The following FSD1L variants were observed in gnomAD, a reference collection of about 807,000 sequenced individuals.
FSD1L encodes the protein FSD1-like protein.
FSD1L carries 45 observed loss-of-function variants against 71.6 expected under a neutral mutation model. That is an observed-to-expected ratio of 0.63 (90% CI 0.49 to 0.81). The LOEUF (loss-of-function observed/expected upper bound fraction) is 0.81. FSD1L is among the 30% of genes least tolerant of loss of function. The pLI, the probability that FSD1L is intolerant of heterozygous loss-of-function variation, is 0.00. For missense variants in FSD1L, 561 were observed against 618.1 expected, an observed-to-expected ratio of 0.91 and a Z score of 0.98; for synonymous variants, 197 against 207.2, an observed-to-expected ratio of 0.95 and a Z score of 0.42.
rs375828865 is a variant in FSD1L at position 105,534,888 on chromosome 9, G to A, written c.1127-179G>A. Among the ~76,000 whole-genome samples, 337 of 152,302 alleles carry A rather than the reference G, an allele frequency of 2.2e-3. 1 individual carries two copies. The highest frequency in any genetic ancestry group is 7.1e-3 in the African/African-American group (294 of 41,570). On this transcript the variant is annotated intron_variant, in intron 11 of 13. Coordinates refer to ENST00000481272, the MANE Select transcript of FSD1L (RefSeq NM_001145313.3). The stretch of plus-strand genomic sequence containing the variant: ...TTTATATTCAAGAATAGTACTAAAC[G>A]TAAAGGTAAAGTTAGAGCAGGTACT...
At chr9:105,496,955 A>G (rs910157134) in intron 7 of FSD1L, among the ~76,000 whole-genome samples, 1 of 152,226 alleles carries the variant, frequency 6.6e-6, no homozygotes, top group Admixed American at 6.5e-5. Flanking sequence ...CTTAGTGGAA[A>G]CATTTTGAGT....
At chr9:105,533,642 C>T (rs1383959216) in intron 10 of FSD1L, among the ~76,000 whole-genome samples, 1 of 150,208 alleles carries the variant, frequency 6.7e-6, no homozygotes, top group Non-Finnish European at 1.5e-5. Context: ...AGGCTGGTCT[C>T]GAACTCCAGA....
intron 2 of FSD1L, among the ~76,000 whole-genome samples, chr9:105,462,632 C>G (rs192320871): frequency 6.7e-6 from 1 of 149,248 alleles, no homozygotes; most frequent in Admixed American, 6.7e-5. Flanking sequence ...AAGTGATTCT[C>G]CTGCCTCAGC....
chr9:105,488,001 A>G (rs1028869207), intron 7 of FSD1L, among the ~76,000 whole-genome samples: 2 of 152,146 alleles, frequency 1.3e-5, no homozygotes, highest in Admixed American at 6.5e-5. Context: ...ATTTATTACA[A>G]TTGATGAACC....
intron 10 of FSD1L, among the ~76,000 whole-genome samples, chr9:105,518,421 C>A (rs559080839): frequency 1.3e-5 from 2 of 152,200 alleles, no homozygotes; most frequent in African/African-American, 2.4e-5. Flanking sequence ...GTAAAACACT[C>A]CTCAGCAAAT....
intron 10 of FSD1L, among the ~76,000 whole-genome samples, chr9:105,529,335 C>T (rs769041185): frequency 3.9e-5 from 6 of 152,162 alleles, no homozygotes; most frequent in African/African-American, 7.2e-5. Flanking sequence ...ATATGTTTAT[C>T]GGGTCACTAT....
At chr9:105,513,229 A>G (rs1293815324) in intron 10 of FSD1L, among the ~76,000 whole-genome samples, 1 of 152,154 alleles carries the variant, frequency 6.6e-6, no homozygotes, top group Admixed American at 6.5e-5. Flanking sequence ...AGTTTCTAGT[A>G]TAATTCCTGA....
At chr9:105,472,547 A>G (rs372372515) in intron 5 of FSD1L, 5 of 152,182 alleles carry the variant, frequency 3.3e-5, no homozygotes, top group Non-Finnish European at 7.3e-5. Flanking sequence ...TCAGAAATGT[A>G]GAATATATTT....
intron 11 of FSD1L, 55 bp downstream of exon 11, chr9:105,534,648 C>A: frequency 1.0e-6 from 1 of 1,003,430 alleles, no homozygotes; most frequent in African/African-American, 1.6e-5. Context: ...ATCACAATCA[C>A]ACTGGTGGAC....
chr9:105,522,182 T>G, intron 10 of FSD1L: 1 of 1,614,028 alleles, frequency 6.2e-7, no homozygotes. Context: ...AACTTTGGGA[T>G]GACTTACTGT....
At chr9:105,459,640 C>G (rs952887438) in intron 1 of FSD1L, among the ~76,000 whole-genome samples, 1 of 152,232 alleles carries the variant, frequency 6.6e-6, no homozygotes, top group South Asian at 2.1e-4. Context: ...AGCATTTTAT[C>G]TGTATTAGCT....
At chr9:105,516,628 C>G (rs905047443) in intron 10 of FSD1L, among the ~76,000 whole-genome samples, 1 of 152,162 alleles carries the variant, frequency 6.6e-6, no homozygotes, top group Non-Finnish European at 1.5e-5. Flanking sequence ...AACTAACAAA[C>G]AGAAAGGAAT....
intron 7 of FSD1L, among the ~76,000 whole-genome samples, chr9:105,503,356 A>G (rs1292745864): frequency 6.6e-6 from 1 of 152,226 alleles, no homozygotes; most frequent in Admixed American, 6.5e-5. Context: ...ATAGTACATT[A>G]TATGTAGTAA....
intron 13 of FSD1L, among the ~76,000 whole-genome samples, chr9:105,542,396 C>T (rs1395187652): frequency 6.6e-6 from 1 of 152,092 alleles, no homozygotes; most frequent in Non-Finnish European, 1.5e-5. Flanking sequence ...TAATTTATTT[C>T]AAGTATCTGT....
chr9:105,507,419 G>A (rs191290536), intron 8 of FSD1L, among the ~76,000 whole-genome samples: 6 of 152,242 alleles, frequency 3.9e-5, no homozygotes, highest in Admixed American at 3.3e-4. Flanking sequence ...ATCAGGAGAT[G>A]GGCTCAAGTG....
At chr9:105,452,227 C>T (rs1398848526) in intron 1 of FSD1L, among the ~76,000 whole-genome samples, 1 of 152,160 alleles carries the variant, frequency 6.6e-6, no homozygotes, top group African/African-American at 2.4e-5. Context: ...TCTGAGAACC[C>T]CACCACATCC....
intron 10 of FSD1L, chr9:105,520,217 C>T: frequency 6.2e-7 from 1 of 1,611,030 alleles, no homozygotes; most frequent in Non-Finnish European, 8.5e-7. Flanking sequence ...GCCTCAAGCA[C>T]CTGCGCATCG....
At chr9:105,462,588 A>G (rs1830780362) in intron 2 of FSD1L, among the ~76,000 whole-genome samples, 1 of 138,336 alleles carries the variant, frequency 7.2e-6, no homozygotes, top group Non-Finnish European at 1.5e-5. Context: ...CAGTGGTGAG[A>G]TCTCGGCTCA....
At chr9:105,508,057 C>T (rs530959629) in intron 8 of FSD1L, among the ~76,000 whole-genome samples, 130 of 151,780 alleles carry the variant, frequency 8.6e-4, no homozygotes, top group South Asian at 5.2e-3. Flanking sequence ...TTAGTAGAGA[C>T]GGGGTTTCTC....
Sources: gnomAD v4.1 joint callset for allele counts (sites outside exome capture counted in the v4.1 genomes callset) on GRCh38, gnomAD v4.1.1 for gene constraint, MANE v1.5 for transcripts, NCBI Gene and HGNC (gene_info 2026-07-23, HGNC 2026-07-21) for gene names.